Variants in PCDHGB3 observed in about 807,000 individuals in gnomAD.
PCDHGB3 encodes protocadherin gamma subfamily B, 3, also known as protocadherin gamma-B3.
Under a neutral mutation model 59.2 loss-of-function variants are expected in PCDHGB3, and 40 were observed. The ratio of observed to expected loss-of-function variants is 0.68; its 90% confidence interval spans 0.52 to 0.88. The LOEUF (loss-of-function observed/expected upper bound fraction) is 0.88, where lower values mean the gene tolerates loss of function less well. Among genes scored for constraint, PCDHGB3 ranks in the 40% least tolerant of loss-of-function variants. The probability of loss-of-function intolerance (pLI) is 0.00; values close to 1 mark genes in which losing one functional copy is unlikely to be tolerated. For synonymous variants in PCDHGB3, 581 were observed against 503.6 expected, an observed-to-expected ratio of 1.15 and a Z score of -2.06; for missense variants, 1,309 against 1,187.9, an observed-to-expected ratio of 1.10 and a Z score of -1.50.
chr5:141,474,970 A>G (rs1309289477), intron 1 of PCDHGB3, among the ~76,000 whole-genome samples: 4 of 152,212 alleles, frequency 2.6e-5, no homozygotes, highest in African/African-American at 9.6e-5. Context: ...TAATCATTAT[A>G]ATTTTGTTTG....
rs1426305491 is a variant in PCDHGB3 at position 141,489,758 on chromosome 5, G to A, written c.2416-5049G>A. 1 of 1,614,084 alleles carries A rather than the reference G, an allele frequency of 6.2e-7. No homozygotes were observed. The highest frequency in any genetic ancestry group is 1.7e-5 in the Admixed American group (1 of 60,020). On this transcript the variant is annotated intron_variant, in intron 1 of 3. Coordinates refer to ENST00000576222, the MANE Select transcript of PCDHGB3 (RefSeq NM_018924.5). The surrounding 1 kb of genome is among the most constrained non-coding windows in gnomAD (Gnocchi z 4.5). ...AATACTGTGAGCTTTTACACTCTAAGCCCCAACAGCCACTTCTCTCTGAAT... is the reference window on the plus strand; with the variant it reads ...AATACTGTGAGCTTTTACACTCTAAACCCCAACAGCCACTTCTCTCTGAAT...
chr5:141,389,874 G>A, intron 1 of PCDHGB3: 1 of 1,614,072 alleles, frequency 6.2e-7, no homozygotes, highest in Non-Finnish European at 8.5e-7. Context: ...GGTCTTCGCC[G>A]ACAGCTTGCA....
chr5:141,426,451 C>T (rs561567196), intron 1 of PCDHGB3: 1 of 308,946 alleles, frequency 3.2e-6, no homozygotes, highest in Non-Finnish European at 6.4e-6. Flanking sequence ...GGACATGCGG[C>T]TGCATGTTCA....
Position 141,485,987 on chromosome 5 carries a change from G to T in PCDHGB3, c.2416-8820G>T. 1 of 1,614,170 alleles carries T rather than the reference G, an allele frequency of 6.2e-7. No homozygotes were observed. On this transcript the variant is annotated intron_variant, in intron 1 of 3. Transcript: ENST00000576222. The surrounding 1 kb of genome is among the most constrained non-coding windows in gnomAD (Gnocchi z 5.7). ...GCTCAATGCCTCAGACCCGGACCTG[G>T]GTCCCAGTGGTAACGTCACCTTTTA...
At position 141,431,192 on chromosome 5, in the gene PCDHGB3, A is replaced by T. The variant is rs769745353; in HGVS notation, c.2415+58383A>T. 8.7e-6 allele frequency: 14 copies of T among 1,614,042 alleles called. No homozygotes were observed. Among genetic ancestry groups the T allele is most frequent in the African/African-American group, 2.7e-5 (2 of 74,912 alleles). On this transcript the variant is annotated intron_variant, in intron 1 of 3. Coordinates refer to ENST00000576222, the MANE Select transcript of PCDHGB3 (RefSeq NM_018924.5). This position sits in a 1 kb window ranked among gnomAD's most constrained non-coding sequence, Gnocchi z 4.8. ...TGAATTAGAAATAAAAATTAGTGAA[A>T]ATGCAGCCACTGAGATGCGGTTCCC...
At chr5:141,394,188 G>A (rs772537455) in intron 1 of PCDHGB3, 1 of 1,613,828 alleles carries the variant, frequency 6.2e-7, no homozygotes, top group Non-Finnish European at 8.5e-7. Flanking sequence ...CTCCTACTCA[G>A]CGTATATCCT....
intron 1 of PCDHGB3, among the ~76,000 whole-genome samples, chr5:141,382,039 G>T (rs2150197834): frequency 6.6e-6 from 1 of 151,922 alleles, no homozygotes; most frequent in Non-Finnish European, 1.5e-5. Flanking sequence ...ATGTTGGTCA[G>T]GCTGGTCTCA....
At chr5:141,483,104 A>G (rs2099577128) in intron 1 of PCDHGB3, among the ~76,000 whole-genome samples, 1 of 152,140 alleles carries the variant, frequency 6.6e-6, no homozygotes, top group African/African-American at 2.4e-5. Flanking sequence ...GTGTGCGTGT[A>G]AAACAGACAG....
chr5:141,424,878 G>A (rs1455273258), intron 1 of PCDHGB3, among the ~76,000 whole-genome samples: 2 of 152,162 alleles, frequency 1.3e-5, no homozygotes, highest in African/African-American at 4.8e-5. Context: ...GAGGAAAGGA[G>A]ACTTATCTAG....
chr5:141,371,173 C>T lies in PCDHGB3; in HGVS notation c.779C>T (p.Ser260Phe). The T allele has an allele frequency of 5.0e-6, 8 of 1,613,998 alleles. No individual in the cohort carries two copies. The highest frequency in any genetic ancestry group is 6.8e-6 in the Non-Finnish European group (8 of 1,179,894). Residue 260 changes from serine to phenylalanine, a missense_variant, in exon 1 of 4, where the codon TCC (serine) becomes TTC (phenylalanine). Physicochemically the swap from Ser to Phe is radical, Grantham distance 155. Transcript: ENST00000576222. ...NVAENLPAGS[S>F]VLKVMAIDMD... ...GCAGAGAACCTGCCCGCTGGCTCCT[C>T]CGTATTAAAAGTGATGGCCATTGAC...
At chr5:141,381,812 CTTTCT>C (rs1426701973) in intron 1 of PCDHGB3, among the ~76,000 whole-genome samples, 18 of 129,486 alleles carry the variant, frequency 1.4e-4, no homozygotes, top group African/African-American at 3.6e-4. Context: ...TTCTTTCTTT[CTTTCT>C]TTCTTCTTCT....
chr5:141,379,614 A>G (rs947547089), intron 1 of PCDHGB3: 1 of 152,204 alleles, frequency 6.6e-6, no homozygotes, highest in African/African-American at 2.4e-5. Context: ...TTTCATTTAA[A>G]CAAATAAAAT....
chr5:141,389,068 C>T (rs1265953328), intron 1 of PCDHGB3: 2 of 1,613,904 alleles, frequency 1.2e-6, no homozygotes, highest in East Asian at 2.2e-5. Flanking sequence ...ATATTAACTT[C>T]TTCAAGAAAC....
chr5:141,404,021 A>G, intron 1 of PCDHGB3: 1 of 1,613,894 alleles, frequency 6.2e-7, no homozygotes, highest in Non-Finnish European at 8.5e-7. Flanking sequence ...TAGCCCAGTG[A>G]GAGAAGACGC....
At chr5:141,388,811 A>C (rs375009380) in intron 1 of PCDHGB3, 21 of 1,613,866 alleles carry the variant, frequency 1.3e-5, no homozygotes, top group Non-Finnish European at 1.6e-5. Context: ...ATTTTGAAGA[A>C]GTCAAAGAAT....
At chr5:141,421,548 G>C in intron 1 of PCDHGB3, 1 of 1,613,984 alleles carries the variant, frequency 6.2e-7, no homozygotes, top group Non-Finnish European at 8.5e-7. Flanking sequence ...TTTTAAATAT[G>C]GAACTTCTCG....
chr5:141,418,523 C>G (rs2096266495), intron 1 of PCDHGB3: 1 of 1,613,958 alleles, frequency 6.2e-7, no homozygotes, highest in Non-Finnish European at 8.5e-7. Context: ...GGACCCTCCC[C>G]GAAGCGGTAC....
Position 141,399,184 on chromosome 5 carries a change from C to T in PCDHGB3, c.2415+26375C>T, listed in dbSNP as rs1398440525. The T allele has an allele frequency of 1.9e-6, 3 of 1,613,746 alleles. No individual in the cohort carries two copies. In the African/African-American group the frequency reaches 4.0e-5, roughly 22 times the overall value. On this transcript the variant is annotated intron_variant, in intron 1 of 3. Coordinates refer to ENST00000576222, the MANE Select transcript of PCDHGB3 (RefSeq NM_018924.5). The stretch of plus-strand genomic sequence containing the variant: ...ATTCCATTCTCTACTTGAAATGATT[C>T]TGGAAAACGCGGTGCCTGGAACACT...
intron 1 of PCDHGB3, among the ~76,000 whole-genome samples, chr5:141,373,025 G>T (rs1194348949): frequency 6.6e-6 from 1 of 152,092 alleles, no homozygotes; most frequent in East Asian, 1.9e-4. Context: ...TGATAGTCTT[G>T]AAACTTTTCT....
Sources: gnomAD v4.1 joint callset for allele counts (sites outside exome capture counted in the v4.1 genomes callset) on GRCh38, gnomAD v4.1.1 for gene constraint, Gnocchi (gnomAD v3.1) non-coding constraint, MANE v1.5 for transcripts, NCBI Gene and HGNC (gene_info 2026-07-23, HGNC 2026-07-21) for gene names.